The following ZNF25 variants were observed in gnomAD, a reference collection of about 807,000 sequenced individuals.
ZNF25 encodes zinc finger protein 25 (KOX 19).
ZNF25 carries 21 observed loss-of-function variants against 30.9 expected under a neutral mutation model. The observed-to-expected ratio is 0.68, with a 90% CI of 0.48 to 0.98. The LOEUF (loss-of-function observed/expected upper bound fraction) is 0.98. Among genes scored for constraint, ZNF25 ranks in the 50% least tolerant of loss-of-function variants. The probability of loss-of-function intolerance (pLI) is 0.00; values close to 1 mark genes in which losing one functional copy is unlikely to be tolerated. For synonymous variants in ZNF25, 169 were observed against 181.3 expected (o/e 0.93, Z 0.55); for missense variants, 501 against 529.9 (o/e 0.95, Z 0.54).
chr10:37,958,450 C>T (rs1465241981), intron 2 of ZNF25, among the ~76,000 whole-genome samples: 6 of 152,152 alleles, frequency 3.9e-5, no homozygotes, highest in South Asian at 4.1e-4. Context: ...TATGTACTTA[C>T]GGTAAGGCAT....
intron 4 of ZNF25, among the ~76,000 whole-genome samples, chr10:37,954,444 T>C (rs767806922): frequency 7.2e-5 from 11 of 152,144 alleles, no homozygotes; most frequent in Non-Finnish European, 1.5e-4. Flanking sequence ...GGACCACATA[T>C]ATCCAAAAGG....
At chr10:37,966,777 T>A (rs890540573) in intron 2 of ZNF25, among the ~76,000 whole-genome samples, 1 of 151,920 alleles carries the variant, frequency 6.6e-6, no homozygotes, top group Non-Finnish European at 1.5e-5. Flanking sequence ...CCAAACCATA[T>A]CACGGAGGAA....
intron 2 of ZNF25, among the ~76,000 whole-genome samples, chr10:37,958,051 G>C (rs1475106632): frequency 6.6e-6 from 1 of 152,144 alleles, no homozygotes; most frequent in Non-Finnish European, 1.5e-5. Flanking sequence ...TATGATGTTT[G>C]CACGATGAAG....
At chr10:37,967,557 C>T (rs1009595172) in intron 2 of ZNF25, among the ~76,000 whole-genome samples, 1 of 151,914 alleles carries the variant, frequency 6.6e-6, no homozygotes, top group Non-Finnish European at 1.5e-5. Flanking sequence ...ACTAAAAGTG[C>T]ACACCACCCA....
chr10:37,971,079 CT>C (rs2063462202), intron 2 of ZNF25, among the ~76,000 whole-genome samples: 1 of 152,146 alleles, frequency 6.6e-6, no homozygotes, highest in Admixed American at 6.6e-5. Flanking sequence ...ATTTGGGAGG[CT>C]AAGGCGGGAG....
In ZNF25 at chr10:37,953,681, A is replaced by G. The variant is rs761223712; in HGVS notation, c.302+14T>C. ...TACAAATCTTCTATCTTAAACATTAATTCTTGAACTTGCCTTGAATTTCCA... is the reference window on the plus strand; with the variant it reads ...TACAAATCTTCTATCTTAAACATTAGTTCTTGAACTTGCCTTGAATTTCCA... On this transcript the variant is annotated intron_variant, in intron 5 of 5. Coordinates refer to ENST00000302609, the MANE Select transcript of ZNF25 (RefSeq NM_145011.4). 5 of 1,613,140 alleles carry G rather than the reference A, an allele frequency of 3.1e-6. No homozygotes were observed. In the South Asian group the frequency reaches 5.5e-5, roughly 18 times the overall value.
At position 37,957,018 on chromosome 10, in the gene ZNF25, A is replaced by T; in HGVS notation, c.238+2T>A. The T allele has an allele frequency of 6.2e-7, 1 of 1,613,162 alleles. No homozygotes were observed. The highest frequency in any genetic ancestry group is 8.5e-7 in the Non-Finnish European group (1 of 1,179,374). On this transcript the variant is annotated splice_donor_variant, in intron 4 of 5. Coordinates refer to ENST00000302609, the MANE Select transcript of ZNF25 (RefSeq NM_145011.4). LOFTEE classifies it high-confidence loss of function. ...CATGGGATATAATTTCTTCTAACTC[A>T]CCAGGGAAGCCCCGATGTGGAAATT...
At chr10:37,968,869 G>C (rs1239583303) in intron 2 of ZNF25, among the ~76,000 whole-genome samples, 1 of 152,062 alleles carries the variant, frequency 6.6e-6, no homozygotes, top group Non-Finnish European at 1.5e-5. Context: ...TGCACACGTG[G>C]GTTCTGAAGG....
At chr10:37,955,152 T>TA (rs375433658) in intron 4 of ZNF25, among the ~76,000 whole-genome samples, 16,369 of 140,438 alleles carry the variant, frequency 0.12, 1,006 homozygotes, top group African/African-American at 0.18. Context: ...AGACTCCATA[T>TA]AAAAAAAAAA....
chr10:37,952,748 T>C lies in ZNF25; in HGVS notation c.750A>G (p.Lys250=). Residue 250 remains lysine, a synonymous_variant, in exon 6 of 6, where the codon AAA becomes AAG. Transcript: ENST00000302609. ...CATAGGGTTTCTCCCCTGTGTGTGT[T>C]TTCTGATGTACCATGAGGTATGCCT... The part of the protein sequence containing the change: ...YVKAYLMVHQ[K]THTGEKPYEC... The C allele has an allele frequency of 1.2e-6, 2 of 1,614,014 alleles. No individual in the cohort carries two copies. Among genetic ancestry groups the C allele is most frequent in the Non-Finnish European group, 1.7e-6 (2 of 1,179,976 alleles).
intron 2 of ZNF25, among the ~76,000 whole-genome samples, chr10:37,964,156 T>C (rs1035153204): frequency 2.0e-5 from 3 of 152,110 alleles, no homozygotes; most frequent in African/African-American, 7.2e-5. Flanking sequence ...ACAGCCTGCA[T>C]AACCATGAGC....
chr10:37,957,227 C>A (rs1590210017), intron 3 of ZNF25, 112 bp from the exon 4 acceptor site: 7 of 1,316,620 alleles, frequency 5.3e-6, no homozygotes, highest in East Asian at 4.7e-5. Context: ...TTAGGCTTGG[C>A]AAATTTAGAT....
At position 37,957,459 on chromosome 10, in the gene ZNF25, C is replaced by T; in HGVS notation, c.103G>A (p.Asp35Asn). ...TGACTATAGTTTTCCAGCATCACAT[C>T]CTTATACAGAGTCCTCTGAGCAGGG... ...LTPAQRTLYK[D>N]VMLENYSHLV... Residue 35 changes from aspartate to asparagine, a missense_variant, in exon 3 of 6, where the codon GAT (aspartate) becomes AAT (asparagine). By Grantham distance (23) the Asp-to-Asn change is conservative. Transcript: ENST00000302609. 1 of 1,613,978 alleles carries T rather than the reference C, an allele frequency of 6.2e-7. No individual in the cohort carries two copies. The highest frequency in any genetic ancestry group is 1.1e-5 in the South Asian group (1 of 91,030).
chr10:37,965,460 T>C (rs2063131196), intron 2 of ZNF25, among the ~76,000 whole-genome samples: 2 of 152,146 alleles, frequency 1.3e-5, no homozygotes, highest in Non-Finnish European at 2.9e-5. Flanking sequence ...TAACAGAAAC[T>C]GTGAAAGCCA....
chr10:37,966,041 G>A (rs1278559118), intron 2 of ZNF25, among the ~76,000 whole-genome samples: 1 of 152,070 alleles, frequency 6.6e-6, no homozygotes, highest in Non-Finnish European at 1.5e-5. Context: ...AGGAAATGAG[G>A]AGGAAAGCAA....
chr10:37,959,878 G>T (rs1404506138), intron 2 of ZNF25, among the ~76,000 whole-genome samples: 1 of 151,858 alleles, frequency 6.6e-6, no homozygotes, highest in Non-Finnish European at 1.5e-5. Flanking sequence ...CCAAAGTGCT[G>T]GGATTACCAG....
intron 2 of ZNF25, among the ~76,000 whole-genome samples, chr10:37,961,852 C>T (rs1423969008): frequency 4.5e-5 from 6 of 131,906 alleles, no homozygotes; most frequent in South Asian, 5.1e-4. Flanking sequence ...ACCTGGGATG[C>T]GGATGTTGTG....
chr10:37,961,989 C>A (rs1277071210), intron 2 of ZNF25, among the ~76,000 whole-genome samples: 1 of 149,480 alleles, frequency 6.7e-6, no homozygotes, highest in Non-Finnish European at 1.5e-5. Flanking sequence ...GTAATCCCAG[C>A]ACTTTGGGAG....
At chr10:37,975,377 C>A in intron 1 of ZNF25, among the ~76,000 whole-genome samples, 1 of 94,948 alleles carries the variant, frequency 1.1e-5, no homozygotes, top group Non-Finnish European at 2.1e-5. Flanking sequence ...CAAATATGTA[C>A]ATTATGTACC....
Sources: gnomAD v4.1 joint callset for allele counts (sites outside exome capture counted in the v4.1 genomes callset) on GRCh38, gnomAD v4.1.1 for gene constraint, MANE v1.5 for transcripts, NCBI Gene and HGNC (gene_info 2026-07-23, HGNC 2026-07-21) for gene names.